The following GMEB2 variants were observed in gnomAD, a reference collection of about 807,000 sequenced individuals.
The protein encoded by GMEB2 is glucocorticoid modulatory element-binding protein 2.
GMEB2 carries 7 observed loss-of-function variants against 45.7 expected under a neutral mutation model. The ratio of observed to expected loss-of-function variants is 0.15; its 90% CI spans 0.09 to 0.29. The LOEUF (loss-of-function observed/expected upper bound fraction) is 0.29. Among genes scored for constraint, GMEB2 ranks in the 10% least tolerant of loss-of-function variants. The probability of loss-of-function intolerance (pLI) is 1.00; values close to 1 mark genes in which losing one functional copy is unlikely to be tolerated. For synonymous variants in GMEB2, 322 were observed against 323.6 expected (o/e 1.00, Z 0.05); for missense variants, 582 against 739.2 (o/e 0.79, Z 2.47).
chr20:63,626,507 GGTCCCTGTGGGTCGC>G (rs1313369128), intron 1 of GMEB2, among the ~76,000 whole-genome samples: 11 of 148,944 alleles, frequency 7.4e-5, no homozygotes, highest in Non-Finnish European at 1.5e-4. Context: ...CCTGTGGGGT[GGTCCCTGTGGGTCGC>G]GTCCCTGTGG....
In GMEB2 at chr20:63,588,474, A is replaced by C; in HGVS notation, c.*1615T>G. On this transcript the variant is annotated 3_prime_UTR_variant, in exon 10 of 10. Coordinates refer to ENST00000370077, the MANE Select transcript of GMEB2 (RefSeq NM_012384.5). Reference sequence around the variant, plus strand: ...GAAATGAGTTTAAAACGGAGTATGTACATCAAAAGATCAACATCACGCCGA... The same window carrying C: ...GAAATGAGTTTAAAACGGAGTATGTCCATCAAAAGATCAACATCACGCCGA... 1 of 329,330 alleles carries C rather than the reference A, an allele frequency of 3.0e-6. No individual in the cohort carries two copies. Among genetic ancestry groups the C allele is most frequent in the Non-Finnish European group, 5.5e-6 (1 of 182,174 alleles). 20.4% of individuals were successfully genotyped at this position (329,330 alleles called of 1,614,324 possible). A position where few individuals can be genotyped will look rare whatever the true frequency, so the allele number is the denominator to read the frequency against.
At chr20:63,612,748 C>A (rs2089579980) in intron 2 of GMEB2, among the ~76,000 whole-genome samples, 1 of 149,364 alleles carries the variant, frequency 6.7e-6, no homozygotes, top group Admixed American at 6.6e-5. Flanking sequence ...AGCCACCCAG[C>A]CGAGCCTACC....
At position 63,593,367 on chromosome 20, in the gene GMEB2, T is replaced by C. The variant is rs955274994; in HGVS notation, c.620-285A>G. Among the ~76,000 whole-genome samples, 1 of 152,110 alleles carries C rather than the reference T, an allele frequency of 6.6e-6. No homozygotes were observed. The highest frequency in any genetic ancestry group is 1.5e-5 in the Non-Finnish European group (1 of 68,014). ...CAAATCCTCAACACTTTCCTCCTCT[T>C]GTCCATTTACGATTGTACTCAACAA... On this transcript the variant is annotated intron_variant, in intron 6 of 9. Coordinates refer to ENST00000370077, the MANE Select transcript of GMEB2 (RefSeq NM_012384.5). This position sits in a 1 kb window ranked among gnomAD's most constrained non-coding sequence, Gnocchi z 4.7.
At chr20:63,624,621 T>G (rs930209491) in intron 1 of GMEB2, among the ~76,000 whole-genome samples, 3 of 152,162 alleles carry the variant, frequency 2.0e-5, no homozygotes, top group African/African-American at 7.2e-5. Context: ...GCAGGGGTCC[T>G]CGTCACAGCT....
rs557309492 is a variant in GMEB2 at position 63,588,715 on chromosome 20, A to G, written c.*1374T>C. The G allele has an allele frequency of 1.7e-4, 68 of 398,662 alleles. 1 individual carries two copies. The South Asian group carries it at 8.5e-3, about 50-fold the overall frequency. The allele number at this position is 398,662 out of a possible 1,614,324, so 24.7% of individuals were successfully genotyped here. A position where few individuals can be genotyped will look rare whatever the true frequency, so the allele number is the denominator to read the frequency against. On this transcript the variant is annotated 3_prime_UTR_variant, in exon 10 of 10. Coordinates refer to ENST00000370077, the MANE Select transcript of GMEB2 (RefSeq NM_012384.5). ...GGACCCTCGCATTGCGGGGCCTCAGACGGGCCTTCAACTGCCGACAGAATC... is the reference window on the plus strand; with the variant it reads ...GGACCCTCGCATTGCGGGGCCTCAGGCGGGCCTTCAACTGCCGACAGAATC...
rs1228769721 is a variant in GMEB2 at position 63,604,859 on chromosome 20, G to A, written c.132-19C>T. The stretch of plus-strand genomic sequence containing the variant: ...GTCGCCCCTGGTGAAGTGAAGGGAG[G>A]AGAGAATAGAATCAGGATCCCGGAG... On this transcript the variant is annotated intron_variant, in intron 2 of 9. Transcript: ENST00000370077. 1 of 1,424,936 alleles carries A rather than the reference G, an allele frequency of 7.0e-7. No homozygotes were observed. Among genetic ancestry groups the A allele is most frequent in the Non-Finnish European group, 9.9e-7 (1 of 1,007,062 alleles). The allele number at this position is 1,424,936 out of a possible 1,614,324, so 88.3% of individuals were successfully genotyped here.
chr20:63,613,822 T>C (rs769445372), intron 2 of GMEB2, among the ~76,000 whole-genome samples: 9 of 152,166 alleles, frequency 5.9e-5, no homozygotes, highest in Non-Finnish European at 1.0e-4. Flanking sequence ...CATTTTTGTT[T>C]ATCAATAAAA....
At chr20:63,611,070 G>T (rs568851246) in intron 2 of GMEB2, among the ~76,000 whole-genome samples, 1 of 152,208 alleles carries the variant, frequency 6.6e-6, no homozygotes, top group Non-Finnish European at 1.5e-5. Context: ...GAAATGACCA[G>T]TGTCTGCTGC....
intron 1 of GMEB2, among the ~76,000 whole-genome samples, chr20:63,623,458 T>TGTA (rs1489348758): frequency 6.6e-6 from 1 of 152,232 alleles, no homozygotes; most frequent in African/African-American, 2.4e-5. Context: ...ACTTTGTTGT[T>TGTA]GTAGACTTAG....
chr20:63,625,855 C>T (rs2089667580), intron 1 of GMEB2, among the ~76,000 whole-genome samples: 1 of 152,192 alleles, frequency 6.6e-6, no homozygotes, highest in Non-Finnish European at 1.5e-5. Context: ...GTCGGGCTCC[C>T]AAAGTGGTGG....
At chr20:63,608,933 AC>A (rs1199391533) in intron 2 of GMEB2, among the ~76,000 whole-genome samples, 1 of 21,028 alleles carries the variant, frequency 4.8e-5, no homozygotes, top group African/African-American at 9.6e-5. Context: ...TGCCCCTGTG[AC>A]CCCACCTCCA....
chr20:63,592,742 G>C lies in GMEB2; in HGVS notation c.692-72C>G. Reference sequence around the variant, plus strand: ...ACGGGGCAGCCACCACAGCCACAAGGACATCACCATAGCCACGAGGACACC... The same window carrying C: ...ACGGGGCAGCCACCACAGCCACAAGCACATCACCATAGCCACGAGGACACC... On this transcript the variant is annotated intron_variant, in intron 7 of 9. Transcript: ENST00000370077. This position sits in a 1 kb window ranked among gnomAD's most constrained non-coding sequence, Gnocchi z 8.2. 3 of 1,249,056 alleles carry C rather than the reference G, an allele frequency of 2.4e-6. No homozygotes were observed. The highest frequency in any genetic ancestry group is 1.7e-5 in the Admixed American group (1 of 58,884). 77.4% of individuals were successfully genotyped at this position (1,249,056 alleles called of 1,614,324 possible).
intron 1 of GMEB2, among the ~76,000 whole-genome samples, chr20:63,622,773 G>C (rs1444854918): frequency 2.0e-5 from 3 of 152,200 alleles, no homozygotes; most frequent in African/African-American, 4.8e-5. Flanking sequence ...AAGAAATGTA[G>C]GTGATCTGAA....
At chr20:63,623,130 C>T (rs557150440) in intron 1 of GMEB2, among the ~76,000 whole-genome samples, 1 of 151,834 alleles carries the variant, frequency 6.6e-6, no homozygotes, top group Admixed American at 6.6e-5. Context: ...AGGAGGGTAT[C>T]GAAAATGAGT....
chr20:63,624,168 T>A, intron 1 of GMEB2, among the ~76,000 whole-genome samples: 1 of 145,350 alleles, frequency 6.9e-6, no homozygotes, highest in African/African-American at 2.6e-5. Context: ...TGTAATCCCA[T>A]CACTTTGGAA....
chr20:63,594,986 C>T (rs1305149387), intron 6 of GMEB2, among the ~76,000 whole-genome samples: 15 of 152,206 alleles, frequency 9.9e-5, no homozygotes, highest in Non-Finnish European at 2.1e-4. Flanking sequence ...CCACCCGCCT[C>T]GGCTTCCCAA....
chr20:63,599,919 C>A (rs960383826), intron 4 of GMEB2, among the ~76,000 whole-genome samples: 1 of 152,160 alleles, frequency 6.6e-6, no homozygotes, highest in Non-Finnish European at 1.5e-5. Flanking sequence ...TTCCTAAGAA[C>A]AAGCTTCTCT....
At chr20:63,609,344 AC>A (rs567531891) in intron 2 of GMEB2, among the ~76,000 whole-genome samples, 1 of 87,632 alleles carries the variant, frequency 1.1e-5, no homozygotes, top group Non-Finnish European at 2.3e-5. Flanking sequence ...TGCCACTCTG[AC>A]CCCACACATC....
chr20:63,594,321 C>T (rs968941033), intron 6 of GMEB2, among the ~76,000 whole-genome samples: 3 of 152,246 alleles, frequency 2.0e-5, no homozygotes, highest in Admixed American at 6.5e-5. Context: ...CCAGTTCCTT[C>T]CCTGGCAGGC....
Sources: allele counts gnomAD v4.1 joint callset (sites outside exome capture counted in the v4.1 genomes callset), GRCh38; gene constraint gnomAD v4.1.1; non-coding constraint Gnocchi (gnomAD v3.1); transcripts MANE v1.5; gene names NCBI Gene and HGNC (gene_info 2026-07-23, HGNC 2026-07-21).